The following HERC1 variants were observed in gnomAD, a reference collection of about 807,000 sequenced individuals.
HERC1 encodes probable E3 ubiquitin-protein ligase HERC1.
HERC1 carries 160 observed loss-of-function variants against 554.3 expected under a neutral mutation model. The observed-to-expected ratio is 0.29, with a 90% confidence interval of 0.25 to 0.33. The LOEUF (loss-of-function observed/expected upper bound fraction) is 0.33, where lower values mean the gene tolerates loss of function less well. Among genes scored for constraint, HERC1 ranks in the 10% least tolerant of loss-of-function variants. The pLI is 1.00. For synonymous variants in HERC1, 2,175 were observed against 2,131.7 expected, an observed-to-expected ratio of 1.02 and a Z score of -0.56; for missense variants, 4,919 against 5,918.5, an observed-to-expected ratio of 0.83 and a Z score of 5.54.
At chr15:63,691,163 A>C (rs760854779) in intron 31 of HERC1, among the ~76,000 whole-genome samples, 9 of 152,176 alleles carry the variant, frequency 5.9e-5, no homozygotes, top group Non-Finnish European at 1.3e-4. Flanking sequence ...AACAGACTAT[A>C]CTTTTCTAAA....
intron 1 of HERC1, among the ~76,000 whole-genome samples, chr15:63,814,058 TCAAAAAA>T (rs1454783975): frequency 6.6e-6 from 1 of 151,918 alleles, no homozygotes; most frequent in Non-Finnish European, 1.5e-5. Flanking sequence ...AAACTCCATC[TCAAAAAA>T]CAAAAAACAA....
At chr15:63,811,141 A>C (rs1335137409) in intron 1 of HERC1, among the ~76,000 whole-genome samples, 1 of 152,192 alleles carries the variant, frequency 6.6e-6, no homozygotes. Flanking sequence ...TATAAAAGAT[A>C]TGTGGGAAAC....
At chr15:63,702,407 TA>T (rs1262320541) in intron 25 of HERC1, among the ~76,000 whole-genome samples, 1 of 152,206 alleles carries the variant, frequency 6.6e-6, no homozygotes, top group African/African-American at 2.4e-5. Flanking sequence ...ATTTAAAGAT[TA>T]GGGGCGATAA....
chr15:63,747,809 T>A lies in HERC1; in HGVS notation c.2269A>T (p.Thr757Ser). ...RPYCVDLEES[T>S]FSHLRSFLER... Reference sequence around the variant, plus strand: ...AGAAAAGAACGCAGGTGTGAGAAGGTACTCTCTTCAAGATCTACACAATAA... The same window carrying A: ...AGAAAAGAACGCAGGTGTGAGAAGGAACTCTCTTCAAGATCTACACAATAA... Residue 757 changes from threonine to serine, a missense_variant, in exon 11 of 78, where the codon ACC (threonine) becomes TCC (serine). Transcript: ENST00000443617. The A allele has an allele frequency of 1.4e-6, 2 of 1,469,944 alleles. No individual in the cohort carries two copies. Among genetic ancestry groups the A allele is most frequent in the African/African-American group, 3.5e-5 (2 of 57,282 alleles). The allele number at this position is 1,469,944 out of a possible 1,614,324, so 91.1% of individuals were successfully genotyped here. A position where few individuals can be genotyped will look rare whatever the true frequency, so the allele number is the denominator to read the frequency against.
chr15:63,673,327 T>A (rs1447871816), intron 38 of HERC1, among the ~76,000 whole-genome samples: 1 of 152,104 alleles, frequency 6.6e-6, no homozygotes, highest in Non-Finnish European at 1.5e-5. Flanking sequence ...TACTTCACAA[T>A]CATCATGATC....
intron 72 of HERC1, 103 bp from the exon 73 acceptor site, chr15:63,623,993 C>A: frequency 7.3e-7 from 1 of 1,369,446 alleles, no homozygotes; most frequent in Admixed American, 1.9e-5. Flanking sequence ...GTTTAACAGG[C>A]AAGCACTGTG....
intron 1 of HERC1, among the ~76,000 whole-genome samples, chr15:63,823,080 G>C (rs542198818): frequency 6.6e-6 from 1 of 152,138 alleles, no homozygotes; most frequent in Non-Finnish European, 1.5e-5. Flanking sequence ...GGGGTTTGTT[G>C]TACAGATTAT....
chr15:63,809,486 G>A (rs2077235038), intron 1 of HERC1, among the ~76,000 whole-genome samples: 1 of 152,128 alleles, frequency 6.6e-6, no homozygotes, highest in Non-Finnish European at 1.5e-5. Context: ...ATATGATAAT[G>A]TTCCCATAAC....
At chr15:63,784,831 G>A (rs1442134784) in intron 1 of HERC1, among the ~76,000 whole-genome samples, 3 of 152,168 alleles carry the variant, frequency 2.0e-5, no homozygotes, top group Non-Finnish European at 2.9e-5. Flanking sequence ...GGATGGGCTC[G>A]CTTTCCTGAC....
chr15:63,648,041 A>C, intron 55 of HERC1, 28 bp downstream of exon 55: 2 of 1,533,176 alleles, frequency 1.3e-6, no homozygotes, highest in Non-Finnish European at 1.8e-6. Flanking sequence ...GTATCCCATA[A>C]AATTACGTTT....
chr15:63,620,090 T>G (rs2152747560), intron 74 of HERC1, among the ~76,000 whole-genome samples: 1 of 152,310 alleles, frequency 6.6e-6, no homozygotes, highest in South Asian at 2.1e-4. Flanking sequence ...GATGTTAGGG[T>G]GTCAATTTTC....
At chr15:63,666,810 T>C (rs543739955) in intron 40 of HERC1, among the ~76,000 whole-genome samples, 19 of 152,258 alleles carry the variant, frequency 1.2e-4, no homozygotes, top group African/African-American at 1.9e-4. Flanking sequence ...ATTTGTGACA[T>C]ATGCAGAGGG....
At chr15:63,620,195 C>A (rs941101382) in intron 74 of HERC1, among the ~76,000 whole-genome samples, 14 of 152,074 alleles carry the variant, frequency 9.2e-5, no homozygotes, top group Admixed American at 2.0e-4. Flanking sequence ...TATGTTGTGT[C>A]TTTGTTCTCG....
Position 63,713,549 on chromosome 15 carries a change from G to C in HERC1, c.4267C>G (p.Gln1423Glu). The C allele has an allele frequency of 6.2e-7, 1 of 1,613,952 alleles. No homozygotes were observed. Among genetic ancestry groups the C allele is most frequent in the East Asian group, 2.2e-5 (1 of 44,884 alleles). The change falls in exon 23 of 78, where the codon CAA becomes GAA. Residue 1423 changes from glutamine to glutamate, a missense_variant. Gln to Glu is a conservative substitution (Grantham distance 29, BLOSUM62 2). Coordinates refer to ENST00000443617, the MANE Select transcript of HERC1 (RefSeq NM_003922.4). ...AGGTCTGTGCTGACCCTTCGCTCTTGCTGAGACTGAGGAGGTGGATCATCA... is the reference window on the plus strand; with the variant it reads ...AGGTCTGTGCTGACCCTTCGCTCTTCCTGAGACTGAGGAGGTGGATCATCA... ...RADDPPPQSQ[Q>E]ERRVSTDLPE...
chr15:63,617,311 T>G (rs986621507), intron 74 of HERC1, among the ~76,000 whole-genome samples: 12 of 152,230 alleles, frequency 7.9e-5, no homozygotes, highest in African/African-American at 2.9e-4. Flanking sequence ...GTTTCCAGCT[T>G]CATTCATGTC....
rs756230250 is a variant in HERC1, at chr15:63,692,505, G to A, written c.5736C>T (p.Arg1912=). ...GAATTGCTTTTGAAGATACAACTCT[G>A]CGAAGAAAAACTAAAAAATCCCCTA... ...LHLGDFLVFL[R]RVVSSKAIQS... is the part of the protein sequence containing the mutation. The change falls in exon 31 of 78, where the codon CGC becomes CGT. Residue 1912 remains arginine, a synonymous_variant. Coordinates refer to ENST00000443617, the MANE Select transcript of HERC1 (RefSeq NM_003922.4). The surrounding 1 kb of genome is among the most constrained non-coding windows in gnomAD (Gnocchi z 4.7). The A allele has an allele frequency of 2.8e-5, 45 of 1,613,308 alleles. No individual in the cohort carries two copies. The highest frequency in any genetic ancestry group is 3.3e-4 in the Middle Eastern group (2 of 6,084).
chr15:63,787,316 C>T (rs968086311), intron 1 of HERC1, among the ~76,000 whole-genome samples: 1 of 151,788 alleles, frequency 6.6e-6, no homozygotes, highest in African/African-American at 2.4e-5. Flanking sequence ...ACCACCACAC[C>T]CAGCTAATTT....
chr15:63,732,419 A>G (rs1367308675), intron 14 of HERC1, among the ~76,000 whole-genome samples: 1 of 152,236 alleles, frequency 6.6e-6, no homozygotes, highest in Non-Finnish European at 1.5e-5. Context: ...GACAATAGCT[A>G]TAACATTATT....
intron 77 of HERC1, 37 bp from the exon 78 acceptor site, chr15:63,609,303 C>G: frequency 6.4e-7 from 1 of 1,562,412 alleles, no homozygotes; most frequent in African/African-American, 1.3e-5. Flanking sequence ...CTGGGGACAT[C>G]AGAGTGCCAT....
Sources: gnomAD v4.1 joint callset for allele counts (sites outside exome capture counted in the v4.1 genomes callset) on GRCh38, gnomAD v4.1.1 for gene constraint, Gnocchi (gnomAD v3.1) non-coding constraint, MANE v1.5 for transcripts, NCBI Gene and HGNC (gene_info 2026-07-23, HGNC 2026-07-21) for gene names.